Variants in PRR5L observed in about 807,000 individuals in gnomAD.
The protein encoded by PRR5L is proline rich 5 like.
Under a neutral mutation model 36.4 loss-of-function variants are expected in PRR5L, and 21 were observed. The ratio of observed to expected loss-of-function variants is 0.58; its 90% CI spans 0.41 to 0.83. PRR5L has a LOEUF of 0.83. PRR5L is among the 40% of genes least tolerant of loss of function. The pLI is 0.00. For missense variants in PRR5L, 381 were observed against 473.3 expected, an observed-to-expected ratio of 0.80 and a Z score of 1.81; for synonymous variants, 188 against 197.0, an observed-to-expected ratio of 0.95 and a Z score of 0.38.
At chr11:36,341,095 T>C (rs2133480443) in intron 1 of PRR5L, among the ~76,000 whole-genome samples, 1 of 152,258 alleles carries the variant, frequency 6.6e-6, no homozygotes, top group South Asian at 2.1e-4. Flanking sequence ...ATATGAAACA[T>C]GGTGCTGGAC....
intron 1 of PRR5L, among the ~76,000 whole-genome samples, chr11:36,358,994 T>C (rs1163574818): frequency 2.6e-5 from 4 of 152,220 alleles, no homozygotes; most frequent in Non-Finnish European, 5.9e-5. Context: ...AATCAGTGGT[T>C]GGATTTTCAG....
At chr11:36,314,473 C>T (rs984108860) in intron 1 of PRR5L, among the ~76,000 whole-genome samples, 5 of 152,186 alleles carry the variant, frequency 3.3e-5, no homozygotes, top group African/African-American at 1.2e-4. Context: ...CACATACATG[C>T]ACCTGCACAT....
At chr11:36,423,915 C>G (rs1858325434) in intron 4 of PRR5L, among the ~76,000 whole-genome samples, 1 of 152,200 alleles carries the variant, frequency 6.6e-6, no homozygotes, top group African/African-American at 2.4e-5. Context: ...AGACTGGGGG[C>G]TTCGAGAAGC....
In PRR5L at chr11:36,378,160, G is replaced by C. The variant is rs116550058; in HGVS notation, c.-125-22837G>C. ...TGTGGTAAATTGCTCTGGGGTGGAA[G>C]GCGCTGTTACTGACAACACGAAGCA... is the stretch of plus-strand genomic sequence containing the variant. On this transcript the variant is annotated intron_variant, in intron 1 of 8. Transcript: ENST00000530639. Among the ~76,000 whole-genome samples, 494 of 152,312 alleles carry C rather than the reference G, an allele frequency of 3.2e-3. 2 individuals carry two copies. Among genetic ancestry groups the C allele is most frequent in the African/African-American group, 0.012 (480 of 41,554 alleles).
chr11:36,326,045 T>A (rs910280862), intron 1 of PRR5L, among the ~76,000 whole-genome samples: 7 of 152,212 alleles, frequency 4.6e-5, no homozygotes, highest in African/African-American at 1.7e-4. Flanking sequence ...TTTGTATTAA[T>A]TTACACTACC....
intron 8 of PRR5L, among the ~76,000 whole-genome samples, chr11:36,457,386 C>A (rs1859082890): frequency 6.6e-6 from 1 of 152,164 alleles, no homozygotes; most frequent in Non-Finnish European, 1.5e-5. Flanking sequence ...GCAGGCAGAT[C>A]ATGAGGTCAG....
At chr11:36,446,565 G>A (rs574119042) in intron 7 of PRR5L, 125 bp downstream of exon 7, 211 of 1,151,224 alleles carry the variant, frequency 1.8e-4, no homozygotes, top group Non-Finnish European at 2.5e-4. Flanking sequence ...CTACTATTTA[G>A]TTTGTTGGCC....
At chr11:36,365,119 T>C (rs2133505606) in intron 1 of PRR5L, among the ~76,000 whole-genome samples, 1 of 152,328 alleles carries the variant, frequency 6.6e-6, no homozygotes, top group East Asian at 1.9e-4. Context: ...CTATCAAACG[T>C]CCTTAGATCA....
At chr11:36,304,671 T>C (rs1856411390) in intron 1 of PRR5L, among the ~76,000 whole-genome samples, 2 of 152,232 alleles carry the variant, frequency 1.3e-5, no homozygotes, top group East Asian at 3.8e-4. Flanking sequence ...TCCTTCTGCA[T>C]GTACTGTTGT....
intron 1 of PRR5L, chr11:36,396,275 T>G (rs1223300213): frequency 6.6e-6 from 1 of 152,216 alleles, no homozygotes; most frequent in Non-Finnish European, 1.5e-5. Context: ...ACAGACTGTC[T>G]GCTCCATCTG....
chr11:36,348,408 C>T (rs993742677), intron 1 of PRR5L, among the ~76,000 whole-genome samples: 1 of 152,122 alleles, frequency 6.6e-6, no homozygotes, highest in African/African-American at 2.4e-5. Flanking sequence ...GTGCCTAAAG[C>T]CCGAGTTCCC....
chr11:36,350,255 A>G (rs1856914880), intron 1 of PRR5L, among the ~76,000 whole-genome samples: 2 of 142,090 alleles, frequency 1.4e-5, no homozygotes, highest in East Asian at 2.1e-4. Context: ...TGTGTGTGGG[A>G]TGGGTGAGTG....
chr11:36,437,886 CACATTCAAATTATGAAAAAGGAGTA>C (rs992573869), intron 6 of PRR5L, among the ~76,000 whole-genome samples: 4 of 152,120 alleles, frequency 2.6e-5, no homozygotes, highest in Admixed American at 2.6e-4. Flanking sequence ...AGTTTGCCGT[CACATTCAAATTATGAAAAAGGAGTA>C]ACATTCCGTG....
chr11:36,448,727 T>C (rs1252717526), intron 7 of PRR5L, among the ~76,000 whole-genome samples: 1 of 152,112 alleles, frequency 6.6e-6, no homozygotes, highest in Non-Finnish European at 1.5e-5. Context: ...GGAAGTACAG[T>C]CAAAGAAGCT....
intron 5 of PRR5L, 106 bp downstream of exon 5, chr11:36,432,016 A>G: frequency 2.1e-6 from 2 of 938,032 alleles, no homozygotes; most frequent in Non-Finnish European, 1.7e-6. Context: ...CAAGCGAGTG[A>G]TTCACCCTGT....
chr11:36,370,141 G>C (rs1010303578), intron 1 of PRR5L, among the ~76,000 whole-genome samples: 12 of 152,080 alleles, frequency 7.9e-5, no homozygotes, highest in Admixed American at 7.2e-4. Context: ...CACCCCACCT[G>C]TTTCCTATGC....
chr11:36,324,767 A>G (rs1041317723), intron 1 of PRR5L, among the ~76,000 whole-genome samples: 4 of 152,168 alleles, frequency 2.6e-5, no homozygotes, highest in African/African-American at 9.7e-5. Context: ...AAAACTAAAA[A>G]GTAGAAAATA....
chr11:36,350,940 ATATATATATATTTATATATATT>A (rs1856926411), intron 1 of PRR5L, among the ~76,000 whole-genome samples: 5 of 27,904 alleles, frequency 1.8e-4, no homozygotes, highest in Admixed American at 4.1e-4. Context: ...TTATATATTT[ATATATATATATTTATATATATT>A]TATATATTTA....
At chr11:36,341,915 G>A (rs748450356) in intron 1 of PRR5L, among the ~76,000 whole-genome samples, 3 of 152,206 alleles carry the variant, frequency 2.0e-5, no homozygotes, top group Non-Finnish European at 2.9e-5. Flanking sequence ...CAGGAGAAAC[G>A]AAGAGACAAC....
Sources: gnomAD v4.1 joint callset for allele counts (sites outside exome capture counted in the v4.1 genomes callset) on GRCh38, gnomAD v4.1.1 for gene constraint, MANE v1.5 for transcripts, NCBI Gene and HGNC (gene_info 2026-07-23, HGNC 2026-07-21) for gene names.